PDE4D: variants seen among roughly 807,000 people sequenced by gnomAD.
The protein encoded by PDE4D is 3',5'-cyclic-AMP phosphodiesterase 4D.
PDE4D carries 24 observed loss-of-function variants against 87.4 expected under a neutral mutation model. The observed-to-expected ratio is 0.27, with a 90% CI of 0.20 to 0.39. The LOEUF (loss-of-function observed/expected upper bound fraction) is 0.39, where lower values mean the gene tolerates loss of function less well. Ranked by LOEUF, PDE4D falls within the 10% of genes least tolerant of loss-of-function variation. PDE4D has a pLI of 1.00. For synonymous variants in PDE4D, 384 were observed against 383.2 expected (o/e 1.00, Z -0.02); for missense variants, 714 against 1,041.0 (o/e 0.69, Z 4.32).
At chr5:60,442,839 G>A (rs907479243) in intron 1 of PDE4D, among the ~76,000 whole-genome samples, 4 of 152,040 alleles carry the variant, frequency 2.6e-5, no homozygotes, top group Non-Finnish European at 4.4e-5. Context: ...AATATAGGTG[G>A]AATTTTGTTT....
chr5:60,467,571 T>C (rs1047467095), intron 1 of PDE4D, among the ~76,000 whole-genome samples: 2 of 152,178 alleles, frequency 1.3e-5, no homozygotes, highest in African/African-American at 4.8e-5. Flanking sequence ...CTAAAAGCCA[T>C]GCTTACACTG....
chr5:59,831,326 C>CAAAAAAAAAAAAAAAAAAAAAAAAA (rs35043596), intron 1 of PDE4D, among the ~76,000 whole-genome samples: 1 of 91,414 alleles, frequency 1.1e-5, no homozygotes. Flanking sequence ...AAATTATTCT[C>CAAAAAAAAAAAAAAAAAAAAAAAAA]AAAAAAAAAA....
chr5:59,829,946 T>C (rs1235544065), intron 1 of PDE4D, among the ~76,000 whole-genome samples: 1 of 151,970 alleles, frequency 6.6e-6, no homozygotes, highest in African/African-American at 2.4e-5. Flanking sequence ...AAAAAAAATC[T>C]CCTTTAGCAT....
At chr5:59,219,341 G>A (rs1458624469) in intron 1 of PDE4D, among the ~76,000 whole-genome samples, 1 of 152,138 alleles carries the variant, frequency 6.6e-6, no homozygotes, top group African/African-American at 2.4e-5. Flanking sequence ...GGCACCACAA[G>A]TATTCTCAGA....
chr5:60,016,946 G>A (rs1479180455), intron 2 of PDE4D, among the ~76,000 whole-genome samples: 3 of 152,180 alleles, frequency 2.0e-5, no homozygotes, highest in African/African-American at 4.8e-5. Flanking sequence ...AGATCCTTTA[G>A]AGAAATCACT....
At chr5:59,941,179 C>A (rs758721482) in intron 3 of PDE4D, among the ~76,000 whole-genome samples, 21 of 152,130 alleles carry the variant, frequency 1.4e-4, no homozygotes, top group Non-Finnish European at 2.5e-4. Context: ...ACTGAGTTTG[C>A]TATCAGGGAG....
At chr5:59,668,439 G>C (rs962247593) in intron 1 of PDE4D, among the ~76,000 whole-genome samples, 2 of 152,128 alleles carry the variant, frequency 1.3e-5, no homozygotes, top group African/African-American at 4.8e-5. Flanking sequence ...AGCAGGTATG[G>C]TGGCTCATGC....
intron 1 of PDE4D, among the ~76,000 whole-genome samples, chr5:59,389,607 A>T (rs1787833096): frequency 6.6e-6 from 1 of 152,168 alleles, no homozygotes; most frequent in Non-Finnish European, 1.5e-5. Flanking sequence ...GAATTTATTC[A>T]AAGGAAAGGA....
At chr5:59,948,587 G>T (rs1757945527) in intron 3 of PDE4D, among the ~76,000 whole-genome samples, 1 of 152,172 alleles carries the variant, frequency 6.6e-6, no homozygotes, top group Non-Finnish European at 1.5e-5. Flanking sequence ...TAACTATTGT[G>T]AAGTTGAAAG....
chr5:60,200,501 G>T (rs1052147903), intron 1 of PDE4D, among the ~76,000 whole-genome samples: 1 of 144,834 alleles, frequency 6.9e-6, no homozygotes, highest in Non-Finnish European at 1.6e-5. Context: ...GGGAACAATG[G>T]CTCTACAGCT....
intron 2 of PDE4D, among the ~76,000 whole-genome samples, chr5:60,041,332 C>A (rs1188325679): frequency 6.6e-6 from 1 of 152,134 alleles, no homozygotes; most frequent in African/African-American, 2.4e-5. Flanking sequence ...AAAATCACTT[C>A]TTGTCATGTT....
intron 2 of PDE4D, among the ~76,000 whole-genome samples, chr5:60,180,095 T>G (rs1784257541): frequency 6.6e-6 from 1 of 152,150 alleles, no homozygotes; most frequent in South Asian, 2.1e-4. Context: ...AAAAATGAAA[T>G]AGCAAACACA....
intron 3 of PDE4D, among the ~76,000 whole-genome samples, chr5:59,963,730 T>G (rs1214278926): frequency 6.6e-6 from 1 of 152,166 alleles, no homozygotes; most frequent in African/African-American, 2.4e-5. Context: ...AATGTGGGAT[T>G]TTATTAGAAA....
chr5:59,321,188 A>T (rs527502079), intron 1 of PDE4D, among the ~76,000 whole-genome samples: 1 of 152,174 alleles, frequency 6.6e-6, no homozygotes, highest in East Asian at 1.9e-4. Flanking sequence ...CTGTTCCACC[A>T]ACATGGCACC....
intron 1 of PDE4D, among the ~76,000 whole-genome samples, chr5:59,621,552 C>G (rs1399818772): frequency 6.6e-6 from 1 of 152,206 alleles, no homozygotes; most frequent in East Asian, 1.9e-4. Context: ...TATTCCCTAG[C>G]ATAGTGGCTA....
chr5:59,394,011 T>C (rs1345611246), intron 1 of PDE4D, among the ~76,000 whole-genome samples: 2 of 152,248 alleles, frequency 1.3e-5, no homozygotes, highest in African/African-American at 4.8e-5. Context: ...TGGGGCCTAA[T>C]GTTTCAGATT....
At chr5:59,764,394 A>G (rs1190832704) in intron 1 of PDE4D, among the ~76,000 whole-genome samples, 1 of 152,178 alleles carries the variant, frequency 6.6e-6, no homozygotes, top group Non-Finnish European at 1.5e-5. Flanking sequence ...AAACTGACTA[A>G]CGGGGAAACT....
chr5:59,469,981 G>A (rs1802200810), intron 1 of PDE4D, among the ~76,000 whole-genome samples: 2 of 152,168 alleles, frequency 1.3e-5, no homozygotes, highest in African/African-American at 2.4e-5. Flanking sequence ...GGGCGACTTC[G>A]TCAAAAACAT....
chr5:60,503,448 C>G (rs536405491), intron 1 of PDE4D, among the ~76,000 whole-genome samples: 108 of 152,186 alleles, frequency 7.1e-4, no homozygotes, highest in Admixed American at 1.5e-3. Flanking sequence ...CTATTATTTT[C>G]TTTGTCTTGC....
Sources: gnomAD v4.1 joint callset for allele counts (sites outside exome capture counted in the v4.1 genomes callset) on GRCh38, gnomAD v4.1.1 for gene constraint, MANE v1.5 for transcripts, NCBI Gene and HGNC (gene_info 2026-07-23, HGNC 2026-07-21) for gene names.